Variants in ADCY2 observed in about 807,000 individuals in gnomAD.
ADCY2 encodes the protein adenylate cyclase type 2.
A neutral mutation model predicts 125.2 loss-of-function variants in ADCY2; 31 were observed. That is an observed-to-expected ratio of 0.25 (90% CI 0.19 to 0.33). The LOEUF is 0.33. ADCY2 is among the 10% of genes least tolerant of loss of function. The pLI is 1.00. For missense variants in ADCY2, 904 were observed against 1,418.2 expected, an observed-to-expected ratio of 0.64 and a Z score of 5.82; for synonymous variants, 512 against 548.4, an observed-to-expected ratio of 0.93 and a Z score of 0.93.
At chr5:7,493,828 C>G (rs1743252476) in intron 2 of ADCY2, among the ~76,000 whole-genome samples, 1 of 152,134 alleles carries the variant, frequency 6.6e-6, no homozygotes. Context: ...TCTTCCATCT[C>G]TAGCAACCCT....
Position 7,676,829 on chromosome 5 carries a change from A to G in ADCY2, c.721-13862A>G, listed in dbSNP as rs561362303. Among the ~76,000 whole-genome samples the G allele has an allele frequency of 3.9e-5, 6 of 152,338 alleles. No individual in the cohort carries two copies. The South Asian group carries it at 1.0e-3, about 26-fold the overall frequency. ...TTGGACAAGAATGAACAGAAGAGAA[A>G]TATATTGAATATAGAACTGGACACA... is the stretch of plus-strand genomic sequence containing the variant. On this transcript the variant is annotated intron_variant, in intron 4 of 24. Transcript: ENST00000338316.
At chr5:7,455,632 G>A (rs1741639834) in intron 2 of ADCY2, among the ~76,000 whole-genome samples, 2 of 145,976 alleles carry the variant, frequency 1.4e-5, no homozygotes, top group Admixed American at 6.9e-5. Context: ...TATGGTATAT[G>A]TATATATACT....
At chr5:7,630,953 A>G (rs1318904665) in intron 4 of ADCY2, among the ~76,000 whole-genome samples, 1 of 151,820 alleles carries the variant, frequency 6.6e-6, no homozygotes, top group Non-Finnish European at 1.5e-5. Context: ...ACACCTGGCT[A>G]ACTTTTGTTA....
chr5:7,786,267 G>A (rs1744079959), intron 19 of ADCY2, among the ~76,000 whole-genome samples: 1 of 152,156 alleles, frequency 6.6e-6, no homozygotes, highest in African/African-American at 2.4e-5. Context: ...AGTCTTCTGG[G>A]TAAGAACTTT....
chr5:7,592,059 C>T (rs2126626538), intron 3 of ADCY2, among the ~76,000 whole-genome samples: 1 of 152,128 alleles, frequency 6.6e-6, no homozygotes, highest in South Asian at 2.1e-4. Flanking sequence ...TTTCTTTTGC[C>T]TTTGTTTACA....
At chr5:7,636,911 A>G (rs1738525553) in intron 4 of ADCY2, among the ~76,000 whole-genome samples, 1 of 152,166 alleles carries the variant, frequency 6.6e-6, no homozygotes, top group South Asian at 2.1e-4. Flanking sequence ...CCATGCAGTG[A>G]GTTCCCACAG....
intron 1 of ADCY2, among the ~76,000 whole-genome samples, chr5:7,405,399 T>C (rs1197012853): frequency 6.6e-6 from 1 of 152,076 alleles, no homozygotes; most frequent in Non-Finnish European, 1.5e-5. Flanking sequence ...TGTCTCATGT[T>C]TGTGTGCTCT....
intron 3 of ADCY2, 21 bp downstream of exon 3, chr5:7,520,920 A>G (rs1744423493): frequency 2.5e-6 from 4 of 1,612,958 alleles, no homozygotes; most frequent in Non-Finnish European, 3.4e-6. Flanking sequence ...CTCCACATCC[A>G]TGGAGAATGA....
chr5:7,486,934 G>A (rs890152915), intron 2 of ADCY2, among the ~76,000 whole-genome samples: 1 of 152,184 alleles, frequency 6.6e-6, no homozygotes, highest in Non-Finnish European at 1.5e-5. Flanking sequence ...TCCTGGAAGG[G>A]AATGGCCTCA....
At chr5:7,681,352 C>G (rs764161713) in intron 4 of ADCY2, among the ~76,000 whole-genome samples, 1 of 152,168 alleles carries the variant, frequency 6.6e-6, no homozygotes, top group Non-Finnish European at 1.5e-5. Context: ...TATTTAAAGG[C>G]TGTTATCTCC....
At chr5:7,499,655 ATATATATATATATATATATATATATATG>A (rs1218996509) in intron 2 of ADCY2, among the ~76,000 whole-genome samples, 37 of 38,570 alleles carry the variant, frequency 9.6e-4, no homozygotes, top group East Asian at 6.3e-3. Flanking sequence ...GTGGATATAT[ATATATATATATATATATATATATATATG>A]TATATATATG....
At chr5:7,645,684 A>T (rs973299340) in intron 4 of ADCY2, among the ~76,000 whole-genome samples, 1 of 152,162 alleles carries the variant, frequency 6.6e-6, no homozygotes, top group Admixed American at 6.5e-5. Context: ...TTGAAAAAAA[A>T]TGAGGAAATG....
chr5:7,787,886 A>G lies in ADCY2; in HGVS notation c.2470-1756A>G, dbSNP rs896068329. On this transcript the variant is annotated intron_variant, in intron 19 of 24. Coordinates refer to ENST00000338316, the MANE Select transcript of ADCY2 (RefSeq NM_020546.3). ...TGGCGCATGGAAACCTTTCATGCTCACTTGGGTTGGACTTGCTGCCTTAAC... is the reference window on the plus strand; with the variant it reads ...TGGCGCATGGAAACCTTTCATGCTCGCTTGGGTTGGACTTGCTGCCTTAAC... Among the ~76,000 whole-genome samples, 66 of 152,274 alleles carry G rather than the reference A, an allele frequency of 4.3e-4. 1 individual carries two copies. The highest frequency in any genetic ancestry group is 1.6e-3 in the African/African-American group (65 of 41,554).
chr5:7,409,910 C>T (rs1013121496), intron 1 of ADCY2, among the ~76,000 whole-genome samples: 1 of 151,952 alleles, frequency 6.6e-6, no homozygotes, highest in African/African-American at 2.4e-5. Context: ...CCTTTCACAC[C>T]TCATGGTAAA....
intron 2 of ADCY2, among the ~76,000 whole-genome samples, chr5:7,469,060 CT>C (rs1443614046): frequency 1.3e-5 from 2 of 151,946 alleles, no homozygotes; most frequent in African/African-American, 4.8e-5. Context: ...TGAGTGGTTA[CT>C]TTTATGACAA....
At chr5:7,483,364 A>C (rs1247115941) in intron 2 of ADCY2, among the ~76,000 whole-genome samples, 1 of 152,030 alleles carries the variant, frequency 6.6e-6, no homozygotes, top group Admixed American at 6.6e-5. Context: ...AGGTTAGGTA[A>C]TCCTTCAGAG....
At chr5:7,422,436 G>T (rs2126353703) in intron 2 of ADCY2, among the ~76,000 whole-genome samples, 1 of 152,042 alleles carries the variant, frequency 6.6e-6, no homozygotes, top group Non-Finnish European at 1.5e-5. Flanking sequence ...TTTCAGGCAG[G>T]TTGGATTGCC....
At chr5:7,799,723 C>T (rs1470745766) in intron 20 of ADCY2, 1 of 152,274 alleles carries the variant, frequency 6.6e-6, no homozygotes, top group Non-Finnish European at 1.5e-5. Context: ...GCAGAATAAC[C>T]CAGGGAACTT....
At chr5:7,431,010 C>T (rs1347153925) in intron 2 of ADCY2, among the ~76,000 whole-genome samples, 1 of 152,088 alleles carries the variant, frequency 6.6e-6, no homozygotes, top group Admixed American at 6.6e-5. Context: ...TCAGTACAAT[C>T]CTAATTGAAG....
Sources: gnomAD v4.1 joint callset for allele counts (sites outside exome capture counted in the v4.1 genomes callset) on GRCh38, gnomAD v4.1.1 for gene constraint, MANE v1.5 for transcripts, NCBI Gene and HGNC (gene_info 2026-07-23, HGNC 2026-07-21) for gene names.